Variants in LRRC4C observed in about 807,000 individuals in gnomAD.
LRRC4C encodes leucine rich repeat containing 4C.
In LRRC4C, 5 loss-of-function variants were observed where a neutral mutation model predicts 33.6. The ratio of observed to expected loss-of-function variants is 0.15; its 90% CI spans 0.08 to 0.31. LRRC4C has a LOEUF of 0.31. Ranked by LOEUF, LRRC4C falls within the 10% of genes least tolerant of loss-of-function variation. LRRC4C has a pLI of 1.00. For missense variants in LRRC4C, 560 were observed against 796.7 expected (o/e 0.70, Z 3.58); for synonymous variants, 329 against 302.0 (o/e 1.09, Z -0.93).
chr11:40,307,198 T>C (rs1335404978), intron 4 of LRRC4C, among the ~76,000 whole-genome samples: 1 of 152,026 alleles, frequency 6.6e-6, no homozygotes, highest in Non-Finnish European at 1.5e-5. Flanking sequence ...TCTACAGACA[T>C]GAATAATTCT....
chr11:41,301,896 C>T (rs1591200505), intron 1 of LRRC4C, among the ~76,000 whole-genome samples: 3 of 152,266 alleles, frequency 2.0e-5, no homozygotes, highest in Admixed American at 2.0e-4. Flanking sequence ...GACACTGTTG[C>T]TTTCCCAGTT....
intron 3 of LRRC4C, among the ~76,000 whole-genome samples, chr11:40,559,206 G>A (rs1016220055): frequency 7.0e-6 from 1 of 142,658 alleles, no homozygotes; most frequent in African/African-American, 2.6e-5. Flanking sequence ...TTTTTCTGAG[G>A]TGGGGTCTCA....
Position 40,129,230 on chromosome 11 carries a change from A to G in LRRC4C, c.-43+11571T>C, listed in dbSNP as rs184167773. The stretch of plus-strand genomic sequence containing the variant: ...TAACACCTAGTAGAACCCCATTCAC[A>G]TAGCAGGAATTTCATTGATTTTTGG... On this transcript the variant is annotated intron_variant, in intron 6 of 6. Transcript: ENST00000528697. 1.4e-4 allele frequency among the ~76,000 whole-genome samples: 22 copies of G among 152,322 alleles called. No homozygotes were observed. In the Middle Eastern group the frequency reaches 0.01, roughly 71 times the overall value.
At chr11:40,614,954 C>G (rs778661040) in intron 3 of LRRC4C, among the ~76,000 whole-genome samples, 1 of 151,402 alleles carries the variant, frequency 6.6e-6, no homozygotes, top group Non-Finnish European at 1.5e-5. Flanking sequence ...ATCAGCATAA[C>G]AGATTTAATA....
chr11:40,946,788 A>G (rs1222555994), intron 1 of LRRC4C, among the ~76,000 whole-genome samples: 2 of 152,224 alleles, frequency 1.3e-5, no homozygotes, highest in African/African-American at 4.8e-5. Flanking sequence ...CTAACAGAGC[A>G]CTGCATCCAT....
intron 1 of LRRC4C, among the ~76,000 whole-genome samples, chr11:41,083,464 T>C (rs1481852621): frequency 6.6e-6 from 1 of 152,174 alleles, no homozygotes; most frequent in East Asian, 1.9e-4. Context: ...CCACATTTCA[T>C]CAGCCTGCTT....
intron 3 of LRRC4C, among the ~76,000 whole-genome samples, chr11:40,375,599 G>A (rs934601068): frequency 2.6e-5 from 4 of 152,148 alleles, no homozygotes; most frequent in East Asian, 1.9e-4. Context: ...GCCTTGAACC[G>A]TTCAGCAGGT....
chr11:40,546,256 T>C (rs372590238), intron 3 of LRRC4C, among the ~76,000 whole-genome samples: 3 of 152,046 alleles, frequency 2.0e-5, no homozygotes, highest in South Asian at 4.1e-4. Context: ...GTAGAGGAGA[T>C]TATGGAAGAC....
intron 1 of LRRC4C, among the ~76,000 whole-genome samples, chr11:41,037,630 TCATTTAATTG>T (rs1210558308): frequency 2.6e-5 from 4 of 151,566 alleles, no homozygotes; most frequent in African/African-American, 9.7e-5. Flanking sequence ...TCATACTATC[TCATTTAATTG>T]CATTTAATTG....
intron 5 of LRRC4C, among the ~76,000 whole-genome samples, chr11:40,203,905 T>C (rs1862951089): frequency 6.6e-6 from 1 of 152,184 alleles, no homozygotes; most frequent in South Asian, 2.1e-4. Context: ...TCTGAGATCT[T>C]TAAGATATTT....
In LRRC4C at chr11:40,888,680, T is replaced by C. The variant is rs141053279; in HGVS notation, c.-407+44955A>G. Among the ~76,000 whole-genome samples the C allele has an allele frequency of 3.2e-3, 486 of 152,158 alleles. 2 individuals are homozygous for C. Among genetic ancestry groups the C allele is most frequent in the African/African-American group, 0.011 (460 of 41,576 alleles). On this transcript the variant is annotated intron_variant, in intron 2 of 6. Transcript: ENST00000528697. Reference sequence around the variant, plus strand: ...CATAGCTAATTTATTCACTGAAATATGGAAATTTCTCTTGATTAACCAAAT... The same window carrying C: ...CATAGCTAATTTATTCACTGAAATACGGAAATTTCTCTTGATTAACCAAAT...
At chr11:40,930,344 G>A (rs1957568321) in intron 2 of LRRC4C, among the ~76,000 whole-genome samples, 1 of 152,090 alleles carries the variant, frequency 6.6e-6, no homozygotes, top group Non-Finnish European at 1.5e-5. Context: ...GCCAAAGTGG[G>A]GACTGGAGCC....
chr11:40,965,042 G>A (rs977588738), intron 1 of LRRC4C, among the ~76,000 whole-genome samples: 50 of 152,114 alleles, frequency 3.3e-4, no homozygotes, highest in Admixed American at 9.8e-4. Flanking sequence ...GTTGTTTCCT[G>A]ACTTTTTAAT....
intron 3 of LRRC4C, among the ~76,000 whole-genome samples, chr11:40,598,274 T>G (rs1264205639): frequency 1.3e-5 from 2 of 152,224 alleles, no homozygotes; most frequent in Non-Finnish European, 2.9e-5. Flanking sequence ...TCAGTCACAT[T>G]AGGGTTTAAA....
At chr11:41,339,357 G>A (rs1390256265) in intron 1 of LRRC4C, among the ~76,000 whole-genome samples, 2 of 152,106 alleles carry the variant, frequency 1.3e-5, no homozygotes, top group Non-Finnish European at 2.9e-5. Context: ...CTTTGCTTTT[G>A]GATAGGCACT....
At chr11:40,824,517 T>G (rs59514707) in intron 2 of LRRC4C, among the ~76,000 whole-genome samples, 17,441 of 151,880 alleles carry the variant, frequency 0.11, 1,057 homozygotes, top group South Asian at 0.15. Context: ...GGATTCACGT[T>G]TCCACTACTA....
intron 2 of LRRC4C, among the ~76,000 whole-genome samples, chr11:40,932,223 G>T (rs1291839637): frequency 6.6e-6 from 1 of 152,120 alleles, no homozygotes; most frequent in Non-Finnish European, 1.5e-5. Context: ...AGAGTGGGAA[G>T]AGAGATGAGA....
intron 2 of LRRC4C, among the ~76,000 whole-genome samples, chr11:40,713,764 TTTTG>T (rs749518042): frequency 3.0e-4 from 46 of 152,194 alleles, no homozygotes; most frequent in African/African-American, 9.2e-4. Flanking sequence ...TCTCAAAGCT[TTTTG>T]TTTATCATGA....
At chr11:40,654,950 C>A (rs2136173976) in intron 2 of LRRC4C, among the ~76,000 whole-genome samples, 1 of 152,246 alleles carries the variant, frequency 6.6e-6, no homozygotes, top group East Asian at 1.9e-4. Flanking sequence ...GGCATTTCCA[C>A]TGTTGTCACT....
Sources: allele counts gnomAD v4.1 joint callset (sites outside exome capture counted in the v4.1 genomes callset), GRCh38; gene constraint gnomAD v4.1.1; transcripts MANE v1.5; gene names NCBI Gene and HGNC (gene_info 2026-07-23, HGNC 2026-07-21).